The following TCF4 variants were observed in gnomAD, a reference collection of about 807,000 sequenced individuals.
The protein encoded by TCF4 is SL3-3 enhancer factor 2.
Under a neutral mutation model 82.1 loss-of-function variants are expected in TCF4, and 3 were observed. The ratio of observed to expected loss-of-function variants is 0.04; its 90% confidence interval spans 0.02 to 0.09. The LOEUF is 0.09. Ranked by LOEUF, TCF4 falls within the 10% of genes least tolerant of loss-of-function variation. The pLI is 1.00. For synonymous variants in TCF4, 276 were observed against 309.6 expected (o/e 0.89, Z 1.14); for missense variants, 518 against 852.7 (o/e 0.61, Z 4.89).
chr18:55,428,585 A>G (rs1032694259), intron 5 of TCF4, among the ~76,000 whole-genome samples: 19 of 152,350 alleles, frequency 1.2e-4, no homozygotes, highest in Middle Eastern at 3.4e-3. Flanking sequence ...GAAACTAAAG[A>G]AGAAATGAGG....
chr18:55,321,554 C>T (rs1020742284), intron 8 of TCF4: 1 of 1,416,008 alleles, frequency 7.1e-7, no homozygotes, highest in South Asian at 1.2e-5. Context: ...TTCATGGCAC[C>T]CAGGAAGGTG....
chr18:55,247,101 G>C (rs1228338068), intron 15 of TCF4, among the ~76,000 whole-genome samples: 1 of 152,194 alleles, frequency 6.6e-6, no homozygotes, highest in Admixed American at 6.5e-5. Context: ...ATGAGCAAAG[G>C]TGGGCCATAC....
At chr18:55,627,932 C>T (rs375973330) in intron 2 of TCF4, among the ~76,000 whole-genome samples, 1 of 151,178 alleles carries the variant, frequency 6.6e-6, no homozygotes, top group Non-Finnish European at 1.5e-5. Context: ...TGGTGGCAGG[C>T]GCCTGTAGTC....
At chr18:55,539,671 A>G (rs2097148376) in intron 3 of TCF4, among the ~76,000 whole-genome samples, 1 of 152,124 alleles carries the variant, frequency 6.6e-6, no homozygotes, top group Non-Finnish European at 1.5e-5. Flanking sequence ...TGCCCCCAAG[A>G]TCTTGACAAA....
chr18:55,348,997 C>T (rs2081781744), intron 8 of TCF4, among the ~76,000 whole-genome samples: 1 of 152,056 alleles, frequency 6.6e-6, no homozygotes, highest in Non-Finnish European at 1.5e-5. Flanking sequence ...ACATTAAATC[C>T]ACCCCTAACT....
At chr18:55,288,224 T>C (rs1001030599) in intron 8 of TCF4, among the ~76,000 whole-genome samples, 1 of 152,150 alleles carries the variant, frequency 6.6e-6, no homozygotes, top group Admixed American at 6.5e-5. Flanking sequence ...GCCATCCCAG[T>C]GACATAAGCA....
At chr18:55,314,404 T>A (rs1221426734) in intron 8 of TCF4, among the ~76,000 whole-genome samples, 1 of 152,142 alleles carries the variant, frequency 6.6e-6, no homozygotes, top group Non-Finnish European at 1.5e-5. Flanking sequence ...GTCAATAAAA[T>A]AATGGGGTGC....
chr18:55,633,530 G>A lies in TCF4; in HGVS notation c.196-2142C>T, dbSNP rs1040615059. Among the ~76,000 whole-genome samples, 2 of 152,052 alleles carry A rather than the reference G, an allele frequency of 1.3e-5. No homozygotes were observed. Among genetic ancestry groups the A allele is most frequent in the African/African-American group, 2.4e-5 (1 of 41,382 alleles). On this transcript the variant is annotated intron_variant, in intron 1 of 20. Coordinates refer to the TCF4 transcript ENST00000398339. This position sits in a 1 kb window ranked among gnomAD's most constrained non-coding sequence, Gnocchi z 4.0. ...TTCCAGCCTATATTCAAGGGGATGG[G>A]GGCTCCACCTTTTGAAGTTAGTTTT...
chr18:55,256,375 C>T (rs974381405), intron 14 of TCF4, among the ~76,000 whole-genome samples: 5 of 152,018 alleles, frequency 3.3e-5, no homozygotes, highest in African/African-American at 1.2e-4. Context: ...GGATGTGGTC[C>T]GCAGATTAAT....
At chr18:55,238,855 C>A (rs948593889) in intron 15 of TCF4, among the ~76,000 whole-genome samples, 4 of 152,132 alleles carry the variant, frequency 2.6e-5, no homozygotes, top group African/African-American at 9.7e-5. Flanking sequence ...CTCAGAATGC[C>A]AAGATCACTG....
intron 5 of TCF4, among the ~76,000 whole-genome samples, chr18:55,415,445 T>G (rs2094492898): frequency 6.6e-6 from 1 of 152,130 alleles, no homozygotes; most frequent in Non-Finnish European, 1.5e-5. Context: ...ACCAGTCAGT[T>G]CCTATGTGAG....
chr18:55,374,898 C>T (rs1036830337), intron 6 of TCF4, among the ~76,000 whole-genome samples: 2 of 137,340 alleles, frequency 1.5e-5, no homozygotes, highest in African/African-American at 5.5e-5. Context: ...AAAAAAAAGT[C>T]CCATGCAATT....
chr18:55,551,953 C>G (rs1171566503), intron 3 of TCF4, among the ~76,000 whole-genome samples: 1 of 152,204 alleles, frequency 6.6e-6, no homozygotes, highest in Non-Finnish European at 1.5e-5. Context: ...TAAAAAATGT[C>G]AAATGACAAT....
chr18:55,624,884 CCA>C (rs1568504607), intron 2 of TCF4, among the ~76,000 whole-genome samples: 1 of 152,152 alleles, frequency 6.6e-6, no homozygotes, highest in Non-Finnish European at 1.5e-5. Context: ...CTGCAACATG[CCA>C]CAAACTCTTC....
intron 5 of TCF4, among the ~76,000 whole-genome samples, chr18:55,410,000 T>C (rs899383404): frequency 1.3e-5 from 2 of 152,210 alleles, no homozygotes; most frequent in African/African-American, 4.8e-5. Flanking sequence ...TTTAAAAATC[T>C]AAATGTAAAA....
chr18:55,233,168 A>G (rs1044662394), intron 16 of TCF4, among the ~76,000 whole-genome samples: 1 of 152,220 alleles, frequency 6.6e-6, no homozygotes, highest in Non-Finnish European at 1.5e-5. Context: ...AGCATTTTAA[A>G]ATGGTACATA....
chr18:55,335,302 A>G (rs778937245), intron 8 of TCF4, among the ~76,000 whole-genome samples: 17 of 152,154 alleles, frequency 1.1e-4, no homozygotes, highest in African/African-American at 1.9e-4. Flanking sequence ...CATTTTTCAC[A>G]TTGCTAAATA....
intron 8 of TCF4, chr18:55,322,459 C>T: frequency 1.0e-6 from 1 of 999,794 alleles, no homozygotes; most frequent in Non-Finnish European, 1.2e-6. Context: ...AACACCACGT[C>T]TCTGACCTCG....
chr18:55,465,115 G>A (rs1402819295), intron 3 of TCF4, among the ~76,000 whole-genome samples: 8 of 152,086 alleles, frequency 5.3e-5, no homozygotes, highest in Non-Finnish European at 1.0e-4. Flanking sequence ...TTTTGATCAC[G>A]GCTGATAACA....
Sources: gnomAD v4.1 joint callset for allele counts (sites outside exome capture counted in the v4.1 genomes callset) on GRCh38, gnomAD v4.1.1 for gene constraint, Gnocchi (gnomAD v3.1) non-coding constraint, MANE v1.5 for transcripts, NCBI Gene and HGNC (gene_info 2026-07-23, HGNC 2026-07-21) for gene names.